Variants in TJP2 observed in about 807,000 individuals in gnomAD.
The protein encoded by TJP2 is Friedreich ataxia region gene X104 (tight junction protein ZO-2).
In TJP2, 91 loss-of-function variants were observed where a neutral mutation model predicts 133.1. The observed-to-expected ratio is 0.68, with a 90% CI of 0.58 to 0.81. TJP2 has a LOEUF of 0.81. Among genes scored for constraint, TJP2 ranks in the 40% least tolerant of loss-of-function variants. The probability of loss-of-function intolerance (pLI) is 0.00; values close to 1 mark genes in which losing one functional copy is unlikely to be tolerated. For synonymous variants in TJP2, 592 were observed against 583.4 expected (o/e 1.01, Z -0.21); for missense variants, 1,541 against 1,565.6 (o/e 0.98, Z 0.26).
chr9:69,233,214 A>C (rs1360732831), intron 11 of TJP2, among the ~76,000 whole-genome samples: 1 of 152,242 alleles, frequency 6.6e-6, no homozygotes, highest in Non-Finnish European at 1.5e-5. Flanking sequence ...TAAAAGCACC[A>C]AATTAGTTTT....
At chr9:69,235,289 C>T (rs1830094174) in intron 12 of TJP2, among the ~76,000 whole-genome samples, 2 of 130,726 alleles carry the variant, frequency 1.5e-5, no homozygotes, top group African/African-American at 5.9e-5. Context: ...TAGTTTCCTC[C>T]TAATTTTTTA....
intron 5 of TJP2, among the ~76,000 whole-genome samples, chr9:69,224,872 C>T (rs997420009): frequency 6.6e-6 from 1 of 151,980 alleles, no homozygotes; most frequent in African/African-American, 2.4e-5. Flanking sequence ...TTGCAGGCAA[C>T]TCACCATTAC....
chr9:69,149,635 G>T (rs1473931923), intron 1 of TJP2, among the ~76,000 whole-genome samples: 5 of 152,200 alleles, frequency 3.3e-5, no homozygotes, highest in African/African-American at 1.2e-4. Flanking sequence ...GTGAGAGGCT[G>T]CATTCTTCCT....
At chr9:69,129,385 G>A (rs1822388903) in intron 1 of TJP2, among the ~76,000 whole-genome samples, 1 of 151,476 alleles carries the variant, frequency 6.6e-6, no homozygotes, top group Non-Finnish European at 1.5e-5. Context: ...GGTGGCGTGT[G>A]CTGTCCTTCC....
Position 69,225,424 on chromosome 9 carries a change from A to G in TJP2, c.1056+17A>G. On this transcript the variant is annotated intron_variant, in intron 6 of 22. Coordinates refer to ENST00000377245, the MANE Select transcript of TJP2 (RefSeq NM_004817.4). ...ATTCTCAAGGTGGGTAGATGGGGGC[A>G]GAGAACGGTAGTGTGCATACTGCCG... The G allele has an allele frequency of 1.3e-6, 2 of 1,541,122 alleles. No individual in the cohort carries two copies. Among genetic ancestry groups the G allele is most frequent in the South Asian group, 1.1e-5 (1 of 89,104 alleles).
At chr9:69,141,574 G>A (rs1255087553) in intron 1 of TJP2, among the ~76,000 whole-genome samples, 2 of 152,124 alleles carry the variant, frequency 1.3e-5, no homozygotes, top group Non-Finnish European at 2.9e-5. Flanking sequence ...TCCACCGAAT[G>A]TATATACATT....
intron 1 of TJP2, among the ~76,000 whole-genome samples, chr9:69,185,394 TTCACTTTATAG>T (rs1825791799): frequency 6.6e-6 from 1 of 152,236 alleles, no homozygotes; most frequent in African/African-American, 2.4e-5. Flanking sequence ...GTTCATTCTT[TTCACTTTATAG>T]TCACATGGAT....
intron 1 of TJP2, among the ~76,000 whole-genome samples, chr9:69,210,284 G>GC (rs1827773834): frequency 1.6e-4 from 2 of 12,444 alleles, no homozygotes; most frequent in African/African-American, 2.5e-4. Context: ...GTGAGACCCC[G>GC]TCCCCCCCCC....
At chr9:69,151,009 A>C (rs1243094095) in intron 1 of TJP2, among the ~76,000 whole-genome samples, 2 of 152,252 alleles carry the variant, frequency 1.3e-5, no homozygotes, top group African/African-American at 4.8e-5. Context: ...AGGCAGTCAC[A>C]AAAGGCCTCA....
chr9:69,228,150 G>A (rs1419882791), intron 9 of TJP2, 36 bp downstream of exon 9: 1 of 1,571,778 alleles, frequency 6.4e-7, no homozygotes, highest in Admixed American at 1.9e-5. Context: ...CAACAGTTGT[G>A]TTCAGAAGTG....
chr9:69,227,965 A>G lies in TJP2; in HGVS notation c.1320-16A>G, dbSNP rs773592168. The stretch of plus-strand genomic sequence containing the variant: ...CTGTTATCTCTTGAGACATTTACGT[A>G]TGACATGTGATTCAGTTCCAGAGAG... On this transcript the variant is annotated splice_polypyrimidine_tract_variant and intron_variant, in intron 8 of 22. Transcript: ENST00000377245. 2 of 1,614,204 alleles carry G rather than the reference A, an allele frequency of 1.2e-6. No individual in the cohort carries two copies. Among genetic ancestry groups the G allele is most frequent in the Non-Finnish European group, 8.5e-7 (1 of 1,180,028 alleles).
chr9:69,158,045 T>C (rs944565246), intron 2 of TJP2, among the ~76,000 whole-genome samples: 1 of 150,338 alleles, frequency 6.7e-6, no homozygotes, highest in Non-Finnish European at 1.5e-5. Flanking sequence ...CCGGGTGCGG[T>C]GATTCACTCC....
At chr9:69,243,846 T>G (rs1830732900) in intron 17 of TJP2, among the ~76,000 whole-genome samples, 1 of 152,060 alleles carries the variant, frequency 6.6e-6, no homozygotes, top group Admixed American at 6.5e-5. Context: ...GTGAAAAGCT[T>G]TATTGAGTTT....
intron 2 of TJP2, among the ~76,000 whole-genome samples, chr9:69,167,619 G>A (rs1342356044): frequency 6.6e-6 from 1 of 152,168 alleles, no homozygotes; most frequent in Non-Finnish European, 1.5e-5. Context: ...CAGCACTTTG[G>A]GAGGCCAGGA....
chr9:69,229,520 G>A (rs532510466), intron 10 of TJP2, among the ~76,000 whole-genome samples: 5 of 152,278 alleles, frequency 3.3e-5, no homozygotes, highest in Non-Finnish European at 5.9e-5. Context: ...GAATATTTGC[G>A]TTTGTCAGAT....
intron 1 of TJP2, among the ~76,000 whole-genome samples, chr9:69,201,048 T>C (rs1826953380): frequency 6.6e-6 from 1 of 152,198 alleles, no homozygotes; most frequent in Admixed American, 6.5e-5. Flanking sequence ...AGCCTCTTGG[T>C]GGGCTCTTGT....
At chr9:69,231,214 A>G (rs1829754257) in intron 11 of TJP2, among the ~76,000 whole-genome samples, 1 of 152,164 alleles carries the variant, frequency 6.6e-6, no homozygotes, top group East Asian at 1.9e-4. Context: ...GGTTCAAGCA[A>G]TTCTTAGTCC....
At chr9:69,169,734 T>TACATATATATATATAC (rs1824575653), upstream of TJP2, among the ~76,000 whole-genome samples, 1 of 152,108 alleles carries the variant, frequency 6.6e-6, no homozygotes, top group African/African-American at 2.4e-5. Context: ...TGCAGATATA[T>TACATATATATATATAC]ACATATATAT....
rs1253166220 is a variant in TJP2 at position 69,236,119 on chromosome 9, C to T, written c.1872C>T (p.Ala624=). The change falls in exon 13 of 23, where the codon GCC becomes GCT. Residue 624 remains alanine (A), a synonymous_variant. Transcript: ENST00000377245. ...AGAAGGAAACTCCACAGAGCCTGGC[C>T]TTCACCAGAGGGGAGGTCTTCCGAG... The part of the protein sequence containing the change: ...ECEKETPQSL[A]FTRGEVFRVV... 6.2e-7 allele frequency: 1 copy of T among 1,614,184 alleles called. No individual in the cohort carries two copies. The highest frequency in any genetic ancestry group is 8.5e-7 in the Non-Finnish European group (1 of 1,180,032).
Sources: gnomAD v4.1 joint callset for allele counts (sites outside exome capture counted in the v4.1 genomes callset) on GRCh38, gnomAD v4.1.1 for gene constraint, MANE v1.5 for transcripts, NCBI Gene and HGNC (gene_info 2026-07-23, HGNC 2026-07-21) for gene names.